Variants in ERICH1 observed in about 807,000 individuals in gnomAD.
ERICH1 encodes glutamate-rich protein 1.
In ERICH1, 56 loss-of-function variants were observed where a neutral mutation model predicts 39.6. The observed-to-expected ratio is 1.41, with a 90% CI of 1.14 to 1.77. The LOEUF is 1.77. Ranked by LOEUF, ERICH1 falls within the 40% of genes most tolerant of loss-of-function variation. ERICH1 has a pLI of 0.00. For missense variants in ERICH1, 826 were observed against 575.4 expected (o/e 1.44, Z -4.45); for synonymous variants, 313 against 223.6 (o/e 1.40, Z -3.57).
intron 3 of ERICH1, among the ~76,000 whole-genome samples, chr8:653,353 G>C (rs1022950179): frequency 6.6e-6 from 1 of 152,224 alleles, no homozygotes; most frequent in Non-Finnish European, 1.5e-5. Context: ...CCTAATTCAG[G>C]AGTCTGCGCC....
At chr8:635,331 G>C (rs1260282198) in intron 3 of ERICH1, among the ~76,000 whole-genome samples, 1 of 152,306 alleles carries the variant, frequency 6.6e-6, no homozygotes, top group African/African-American at 2.4e-5. Context: ...GGTTTATCCG[G>C]GTATAACGGA....
At chr8:722,752 T>G (rs571124685) in intron 1 of ERICH1, among the ~76,000 whole-genome samples, 12 of 152,324 alleles carry the variant, frequency 7.9e-5, no homozygotes, top group Admixed American at 1.3e-4. Flanking sequence ...AGTGTGACTT[T>G]CAGAGAAAAT....
intron 3 of ERICH1, among the ~76,000 whole-genome samples, chr8:623,087 G>A (rs1038990347): frequency 4.6e-5 from 7 of 152,232 alleles, no homozygotes; most frequent in African/African-American, 7.2e-5. Context: ...ACAGTATGAC[G>A]AGAGATAAAA....
intron 3 of ERICH1, among the ~76,000 whole-genome samples, chr8:630,350 T>G (rs56150338): frequency 9.2e-5 from 3 of 32,568 alleles, no homozygotes; most frequent in East Asian, 6.6e-4. Context: ...AGCACCCACA[T>G]GGACAGAGCT....
chr8:622,130 G>C (rs1443716627), intron 3 of ERICH1, among the ~76,000 whole-genome samples: 3 of 152,182 alleles, frequency 2.0e-5, no homozygotes, highest in Non-Finnish European at 2.9e-5. Flanking sequence ...ACTGTGGCAG[G>C]AGGACTATTT....
intron 3 of ERICH1, among the ~76,000 whole-genome samples, chr8:650,185 C>G (rs965940441): frequency 6.6e-6 from 1 of 152,222 alleles, no homozygotes; most frequent in Non-Finnish European, 1.5e-5. Flanking sequence ...CCGCGTTCCT[C>G]TCTGCACTCA....
At position 680,585 on chromosome 8, in the gene ERICH1, A is replaced by T. The variant is rs113530977; in HGVS notation, c.305-6538T>A. ...TGCCACCCCTCCCCCGAAAACACGGAAAGTCCAAGAGAATCCACAGCTGCC... is the reference window on the plus strand; with the variant it reads ...TGCCACCCCTCCCCCGAAAACACGGTAAGTCCAAGAGAATCCACAGCTGCC... On this transcript the variant is annotated intron_variant, in intron 3 of 5. Transcript: ENST00000262109. Among the ~76,000 whole-genome samples, 999 of 150,544 alleles carry T rather than the reference A, an allele frequency of 6.6e-3. 10 individuals carry two copies. The highest frequency in any genetic ancestry group is 0.023 in the African/African-American group (931 of 41,008).
At chr8:615,137 C>G (rs1027749620) in exon 4 of ERICH1, 1 of 613,694 alleles carries the variant, frequency 1.6e-6, no homozygotes, top group Non-Finnish European at 2.9e-6. Flanking sequence ...GCTCCCGGTC[C>G]ACTGCTTAAA....
chr8:707,139 C>T (rs147346040), intron 2 of ERICH1, among the ~76,000 whole-genome samples: 1,692 of 150,706 alleles, frequency 0.011, 18 homozygotes, highest in Middle Eastern at 0.021. Flanking sequence ...GATGGACATA[C>T]ATCAATGGAA....
intron 3 of ERICH1, chr8:627,197 C>G (rs1797637786): frequency 2.2e-6 from 1 of 456,274 alleles, no homozygotes; most frequent in Non-Finnish European, 4.4e-6. Flanking sequence ...GCTGTGTGAC[C>G]TGTACCATTG....
chr8:693,605 G>A (rs966463661), intron 2 of ERICH1, among the ~76,000 whole-genome samples: 4 of 151,624 alleles, frequency 2.6e-5, no homozygotes, highest in African/African-American at 4.8e-5. Context: ...CTCTGCATAC[G>A]GAACCTCCCC....
chr8:633,517 C>A (rs1204794112), intron 3 of ERICH1, among the ~76,000 whole-genome samples: 1 of 152,174 alleles, frequency 6.6e-6, no homozygotes, highest in African/African-American at 2.4e-5. Context: ...AAGGATATTT[C>A]TCAGAGAAAC....
rs752725662 is a variant in ERICH1 at position 692,571 on chromosome 8, C to T, written c.211G>A (p.Ala71Thr). Reference protein sequence around the residue: ...ETPTARRLYTASGPPEGYVPC... With the variant: ...ETPTARRLYTTSGPPEGYVPC... ...ACGTAGCCCTCAGGAGGCCCGCTGG[C>T]AGTGTAGAGCCGTCGGGCAGTCGGG... The change falls in exon 3 of 6, where the codon GCC (alanine) becomes ACC (threonine). Residue 71 changes from alanine to threonine, a missense_variant. Physicochemically the swap from Ala to Thr is moderately conservative, Grantham distance 58. Coordinates refer to ENST00000262109, the MANE Select transcript of ERICH1 (RefSeq NM_207332.3). The T allele has an allele frequency of 1.9e-6, 3 of 1,612,016 alleles. No individual in the cohort carries two copies. In the South Asian group the frequency reaches 3.3e-5, roughly 18 times the overall value.
chr8:658,782 C>T (rs769060561), intron 3 of ERICH1, among the ~76,000 whole-genome samples: 10 of 152,318 alleles, frequency 6.6e-5, no homozygotes, highest in East Asian at 3.9e-4. Context: ...AGGCCTCGAT[C>T]GGGGACTCCA....
chr8:615,373 A>G (rs1796854784), intron 3 of ERICH1: 1 of 575,426 alleles, frequency 1.7e-6, no homozygotes, highest in Non-Finnish European at 3.1e-6. Flanking sequence ...TTGCTGGGAT[A>G]AAGAGATAAC....
At chr8:635,657 C>A (rs1010122709) in intron 3 of ERICH1, among the ~76,000 whole-genome samples, 1 of 152,230 alleles carries the variant, frequency 6.6e-6, no homozygotes, top group East Asian at 1.9e-4. Context: ...TCCCTGCACC[C>A]TCACGCTCAC....
intron 3 of ERICH1, among the ~76,000 whole-genome samples, chr8:654,997 G>C (rs528508503): frequency 6.6e-6 from 1 of 152,336 alleles, no homozygotes; most frequent in East Asian, 1.9e-4. Context: ...GTGCTCACTT[G>C]GGCACTTTAA....
At chr8:681,935 G>C (rs11786107) in intron 3 of ERICH1, among the ~76,000 whole-genome samples, 1 of 152,042 alleles carries the variant, frequency 6.6e-6, no homozygotes, top group Non-Finnish European at 1.5e-5. Flanking sequence ...CCTCGGTGAC[G>C]TCTGATCGCC....
At chr8:640,777 T>A (rs1173325555) in intron 3 of ERICH1, 1 of 152,216 alleles carries the variant, frequency 6.6e-6, no homozygotes, top group Non-Finnish European at 1.5e-5. Context: ...CTTTTCCACG[T>A]TGGGTGCAGC....
Sources: allele counts gnomAD v4.1 joint callset (sites outside exome capture counted in the v4.1 genomes callset), GRCh38; gene constraint gnomAD v4.1.1; transcripts MANE v1.5; gene names NCBI Gene and HGNC (gene_info 2026-07-23, HGNC 2026-07-21).